ZFP91: variants seen among roughly 807,000 people sequenced by gnomAD.
ZFP91 encodes ZFP91 zinc finger protein, atypical E3 ubiquitin ligase, also known as E3 ubiquitin-protein ligase ZFP91.
Under a neutral mutation model 63.5 loss-of-function variants are expected in ZFP91, and 7 were observed. The observed-to-expected ratio is 0.11, with a 90% CI of 0.06 to 0.21. ZFP91 has a LOEUF of 0.21. Ranked by LOEUF, ZFP91 falls within the 10% of genes least tolerant of loss-of-function variation. ZFP91 has a pLI of 1.00. For synonymous variants in ZFP91, 330 were observed against 272.1 expected (o/e 1.21, Z -2.10); for missense variants, 628 against 736.6 (o/e 0.85, Z 1.71).
At chr11:58,611,899 A>C in intron 6 of ZFP91, 161 bp downstream of exon 6, 1 of 712,872 alleles carries the variant, frequency 1.4e-6, no homozygotes, top group Non-Finnish European at 2.2e-6. Flanking sequence ...ATTTCACTGG[A>C]GAGACTCTTA....
At chr11:58,597,410 T>A in intron 2 of ZFP91, among the ~76,000 whole-genome samples, 1 of 152,198 alleles carries the variant, frequency 6.6e-6, no homozygotes, top group Non-Finnish European at 1.5e-5. Context: ...TAGGCAGATA[T>A]CCTTCCTCAG....
intron 7 of ZFP91, 103 bp from the exon 8 acceptor site, chr11:58,612,659 C>A: frequency 1.2e-6 from 1 of 853,050 alleles, no homozygotes; most frequent in Non-Finnish European, 1.9e-6. Flanking sequence ...ATTCTTCCTA[C>A]TATAAAATAG....
intron 6 of ZFP91, 88 bp downstream of exon 6, chr11:58,611,826 C>CGT (rs1855670102): frequency 1.4e-6 from 2 of 1,413,502 alleles, no homozygotes; most frequent in African/African-American, 2.9e-5. Flanking sequence ...AGGATGTTGA[C>CGT]GTATACATGC....
At chr11:58,585,829 C>T (rs777651245) in intron 2 of ZFP91, among the ~76,000 whole-genome samples, 1 of 152,062 alleles carries the variant, frequency 6.6e-6, no homozygotes, top group Admixed American at 6.6e-5. Context: ...GATTTTGTGC[C>T]ATATGGAAGA....
intron 10 of ZFP91, 134 bp downstream of exon 10, chr11:58,616,949 G>A (rs936533911): frequency 1.1e-6 from 1 of 907,812 alleles, no homozygotes; most frequent in Non-Finnish European, 1.7e-6. Context: ...TTGATTGGGG[G>A]CATTAGTTAG....
intron 2 of ZFP91, among the ~76,000 whole-genome samples, chr11:58,585,846 G>A (rs1437143246): frequency 6.6e-6 from 1 of 152,300 alleles, no homozygotes; most frequent in East Asian, 1.9e-4. Context: ...AAGAATGATA[G>A]TGTAATTTAA....
chr11:58,617,798 GTGAAATAACTGAAGGGCC>G lies in ZFP91; in HGVS notation c.*95_*112del. ...AAAAATCTAAAGCATTTAAAATCTAGTGAAATAACTGAAGGGCCTGCTCTTTCCATTGTGGATCACAGC... is the reference window on the plus strand; with the variant it reads ...AAAAATCTAAAGCATTTAAAATCTAGTGCTCTTTCCATTGTGGATCACAGC... On this transcript the variant is annotated 3_prime_UTR_variant, in exon 11 of 11. Coordinates refer to ENST00000316059, the MANE Select transcript of ZFP91 (RefSeq NM_053023.5). This position sits in a 1 kb window ranked among gnomAD's most constrained non-coding sequence, Gnocchi z 4.2. 7.0e-7 allele frequency: 1 copy of G among 1,426,584 alleles called. No homozygotes were observed. Among genetic ancestry groups the G allele is most frequent in the Non-Finnish European group, 9.1e-7 (1 of 1,095,762 alleles). The allele number at this position is 1,426,584 out of a possible 1,614,324, so 88.4% of individuals were successfully genotyped here.
At position 58,584,784 on chromosome 11, in the gene ZFP91, C is replaced by G. The variant is rs544172315; in HGVS notation, c.342-72C>G. On this transcript the variant is annotated intron_variant, in intron 1 of 10. Transcript: ENST00000316059. ...TTTCTTTATCACTCTGGAGGTGAAC[C>G]TGAAAGAGATATTTATATTTTCAGA... 1.1e-5 allele frequency: 15 copies of G among 1,359,750 alleles called. No individual in the cohort carries two copies. In the East Asian group the frequency reaches 3.6e-4, roughly 33 times the overall value. 84.2% of individuals were successfully genotyped at this position (1,359,750 alleles called of 1,614,324 possible). A position where few individuals can be genotyped will look rare whatever the true frequency, so the allele number is the denominator to read the frequency against.
intron 9 of ZFP91, 101 bp downstream of exon 9, chr11:58,614,444 T>C: frequency 1.2e-6 from 1 of 829,468 alleles, no homozygotes; most frequent in South Asian, 2.6e-5. Context: ...TAAAAGATTC[T>C]ATAGTCAAGT....
intron 3 of ZFP91, 73 bp downstream of exon 3, chr11:58,610,112 G>T: frequency 6.5e-7 from 1 of 1,543,296 alleles, no homozygotes; most frequent in Non-Finnish European, 8.9e-7. Flanking sequence ...TTGAACATTT[G>T]TGTTAACAGC....
chr11:58,613,968 C>T (rs74458180), intron 8 of ZFP91, among the ~76,000 whole-genome samples: 4,015 of 152,174 alleles, frequency 0.026, 177 homozygotes, highest in African/African-American at 0.092. Flanking sequence ...GTTATTGTTA[C>T]CTCCATTTTA....
intron 2 of ZFP91, among the ~76,000 whole-genome samples, chr11:58,587,957 A>G (rs1855239343): frequency 6.6e-6 from 1 of 152,180 alleles, no homozygotes; most frequent in Non-Finnish European, 1.5e-5. Flanking sequence ...GCAGTGCTTC[A>G]GTTATTAATG....
At position 58,613,542 on chromosome 11, in the gene ZFP91, A is replaced by G. The variant is rs368522493; in HGVS notation, c.988-687A>G. On this transcript the variant is annotated intron_variant, in intron 8 of 10. Coordinates refer to ENST00000316059, the MANE Select transcript of ZFP91 (RefSeq NM_053023.5). ...AGAGAACTTTCGTTGGAATCTTTCA[A>G]TATTACAGTAATTCCCAATGTGGTG... Among the ~76,000 whole-genome samples, 39 of 152,294 alleles carry G rather than the reference A, an allele frequency of 2.6e-4. No individual in the cohort carries two copies. The East Asian group carries it at 4.6e-3, about 18-fold the overall frequency.
rs765516594 is a variant in ZFP91 at position 58,617,605 on chromosome 11, A to G, written c.1612A>G (p.Ser538Gly). ...GGCTGATGGGAAGATCTTTGTGGGA[A>G]GCGGCAGCAGTGGAGGCACTGAAGG... ...LMADGKIFVG[S>G]GSSGGTEGLV... The change falls in exon 11 of 11, where the codon AGC becomes GGC. Residue 538 changes from serine to glycine, a missense_variant. This residue lies in a region of ZFP91 where 115 missense variants were observed against 125.4 expected (regional missense o/e 0.92). Coordinates refer to ENST00000316059, the MANE Select transcript of ZFP91 (RefSeq NM_053023.5). The surrounding 1 kb of genome is among the most constrained non-coding windows in gnomAD (Gnocchi z 4.2). The G allele has an allele frequency of 3.1e-6, 5 of 1,605,498 alleles. No individual in the cohort carries two copies. The highest frequency in any genetic ancestry group is 4.3e-6 in the Non-Finnish European group (5 of 1,175,784).
At chr11:58,580,466 A>G (rs1053165524) in intron 1 of ZFP91, among the ~76,000 whole-genome samples, 1 of 151,852 alleles carries the variant, frequency 6.6e-6, no homozygotes, top group African/African-American at 2.4e-5. Context: ...CTAGAAATTA[A>G]TCACATTGAC....
chr11:58,614,270 A>G lies in ZFP91; in HGVS notation c.1029A>G (p.Val343=). 3 of 1,611,186 alleles carry G rather than the reference A, an allele frequency of 1.9e-6. No individual in the cohort carries two copies. Among genetic ancestry groups the G allele is most frequent in the East Asian group, 2.2e-5 (1 of 44,844 alleles). The part of the protein sequence containing the change: ...KYQHLLKKKY[V]CPHPSCGRLF... ...AGCATTTGCTGAAGAAGAAATATGT[A>G]TGTCCCCATCCCTCCTGTGGACGAC... The change falls in exon 9 of 11, where the codon GTA becomes GTG. Residue 343 remains valine (V), a synonymous_variant. Coordinates refer to ENST00000316059, the MANE Select transcript of ZFP91 (RefSeq NM_053023.5).
chr11:58,590,464 T>C (rs1247229592), intron 2 of ZFP91, among the ~76,000 whole-genome samples: 3 of 152,192 alleles, frequency 2.0e-5, no homozygotes, highest in Non-Finnish European at 4.4e-5. Context: ...GGCGCAGTGT[T>C]CCAAAATCCT....
chr11:58,595,879 A>G (rs1486298052), intron 2 of ZFP91, among the ~76,000 whole-genome samples: 2 of 152,040 alleles, frequency 1.3e-5, no homozygotes, highest in Non-Finnish European at 2.9e-5. Context: ...CTGGCCTAGC[A>G]TTAATCTCTT....
intron 2 of ZFP91, among the ~76,000 whole-genome samples, chr11:58,595,777 A>G (rs906177692): frequency 2.0e-5 from 3 of 152,118 alleles, no homozygotes; most frequent in African/African-American, 7.2e-5. Context: ...GGGTTTCATC[A>G]TGTTGGCGAG....
Sources: gnomAD v4.1 joint callset for allele counts (sites outside exome capture counted in the v4.1 genomes callset) on GRCh38, gnomAD v4.1.1 for gene constraint, gnomAD v4.1.1 regional missense constraint, Gnocchi (gnomAD v3.1) non-coding constraint, MANE v1.5 for transcripts, NCBI Gene and HGNC (gene_info 2026-07-23, HGNC 2026-07-21) for gene names.